Variants in IL10RB observed in about 807,000 individuals in gnomAD.
The protein encoded by IL10RB is interleukin 10 receptor subunit beta, also known as interleukin-10 receptor subunit beta.
In IL10RB, 30 loss-of-function variants were observed where a neutral mutation model predicts 38.7. The ratio of observed to expected loss-of-function variants is 0.78; its 90% CI spans 0.58 to 1.05. IL10RB has a LOEUF of 1.05. Ranked by LOEUF, IL10RB falls within the 50% of genes least tolerant of loss-of-function variation. The probability of loss-of-function intolerance (pLI) is 0.00; values close to 1 mark genes in which losing one functional copy is unlikely to be tolerated. For synonymous variants in IL10RB, 142 were observed against 145.9 expected (o/e 0.97, Z 0.19); for missense variants, 328 against 397.1 (o/e 0.83, Z 1.48).
At chr21:33,295,067 A>T (rs1021558901) in intron 6 of IL10RB, among the ~76,000 whole-genome samples, 4 of 152,232 alleles carry the variant, frequency 2.6e-5, no homozygotes, top group Non-Finnish European at 5.9e-5. Context: ...CCACATTTTT[A>T]AAAAGTCCAA....
intron 2 of IL10RB, among the ~76,000 whole-genome samples, chr21:33,272,606 C>A (rs538404820): frequency 6.6e-6 from 1 of 152,264 alleles, no homozygotes; most frequent in African/African-American, 2.4e-5. Context: ...GCCACCATAC[C>A]CAAATAATTT....
At chr21:33,308,102 C>T (rs2083003144) in intron 1 of IL10RB, 1 of 152,216 alleles carries the variant, frequency 6.6e-6, no homozygotes, top group Non-Finnish European at 1.5e-5. Context: ...TCCAGGATTT[C>T]CCATCTTTCA....
At chr21:33,275,111 CTTAAACCTTAT>C (rs1989145397) in intron 2 of IL10RB, among the ~76,000 whole-genome samples, 1 of 150,298 alleles carries the variant, frequency 6.7e-6, no homozygotes, top group South Asian at 2.1e-4. Flanking sequence ...GGCTTCTGTC[CTTAAACCTTAT>C]GAACCAACCT....
chr21:33,266,502 C>G lies in IL10RB; in HGVS notation c.37C>G (p.Leu13Val). The change falls in exon 1 of 7, where the codon CTG (leucine) becomes GTG (valine). Residue 13 changes from leucine (L) to valine (V), a missense_variant. Transcript: ENST00000290200. ...CCTTGGGAGCTGGCTGGGTGGCTGCCTGCTGGTGTCAGGTGAGGGGTCCGC... is the reference window on the plus strand; with the variant it reads ...CCTTGGGAGCTGGCTGGGTGGCTGCGTGCTGGTGTCAGGTGAGGGGTCCGC... ...WSLGSWLGGC[L>V]LVSALGMVPP... 6.5e-7 allele frequency: 1 copy of G among 1,543,118 alleles called. No homozygotes were observed. Among genetic ancestry groups the G allele is most frequent in the Non-Finnish European group, 8.7e-7 (1 of 1,147,442 alleles).
In IL10RB at chr21:33,296,325, G is replaced by A. The variant is rs370841672; in HGVS notation, c.946G>A (p.Gly316Arg). 31 of 1,613,756 alleles carry A rather than the reference G, an allele frequency of 1.9e-5. No individual in the cohort carries two copies. In the Admixed American group the frequency reaches 2.0e-4, roughly 10 times the overall value. ...GAATCCTGGTGACAGCTGCAGCCTCGGGACCCCGCCTGGGCAGGGGCCCCA... is the reference window on the plus strand; with the variant it reads ...GAATCCTGGTGACAGCTGCAGCCTCAGGACCCCGCCTGGGCAGGGGCCCCA... ...KQNPGDSCSL[G>R]TPPGQGPQS The change falls in exon 7 of 7, where the codon GGG becomes AGG. Residue 316 changes from glycine to arginine, a missense_variant. By Grantham distance (125) the Gly-to-Arg change is moderately radical (BLOSUM62 -2). Coordinates refer to ENST00000290200, the MANE Select transcript of IL10RB (RefSeq NM_000628.5).
downstream of IL10RB, among the ~76,000 whole-genome samples, chr21:33,301,386 G>A (rs536330389): frequency 1.3e-5 from 2 of 152,126 alleles, no homozygotes; most frequent in Non-Finnish European, 2.9e-5. Context: ...CTGACTATTG[G>A]GCTGGCACTT....
intron 1 of IL10RB, among the ~76,000 whole-genome samples, chr21:33,304,665 A>G (rs2082994715): frequency 6.6e-6 from 1 of 152,184 alleles, no homozygotes; most frequent in East Asian, 1.9e-4. Flanking sequence ...CCAGCTCCCA[A>G]GTATACACAG....
chr21:33,288,388 CACACACACACACACACAG>C, intron 6 of IL10RB, 127 bp downstream of exon 6: 3 of 703,334 alleles, frequency 4.3e-6, no homozygotes, highest in Non-Finnish European at 5.1e-6. Flanking sequence ...CGCGCACACA[CACACACACACACACACAG>C]ACACGCCTCT....
At chr21:33,280,013 A>G in intron 4 of IL10RB, 95 bp downstream of exon 4, 1 of 1,098,720 alleles carries the variant, frequency 9.1e-7, no homozygotes, top group South Asian at 1.2e-5. Flanking sequence ...GGTCCTCTGT[A>G]AGCCAAGAGC....
chr21:33,287,558 G>T lies in IL10RB; in HGVS notation c.647-546G>T, dbSNP rs555060950. ...AAAATTTTTTTTGTTGTAGAGAAGG[G>T]GTCTCACTATGTTGCCCAGACTGGT... is the stretch of plus-strand genomic sequence containing the variant. On this transcript the variant is annotated intron_variant, in intron 5 of 6. Transcript: ENST00000290200. 6.6e-5 allele frequency among the ~76,000 whole-genome samples: 10 copies of T among 152,038 alleles called. 1 individual carries two copies. The Middle Eastern group carries it at 0.01, about 155-fold the overall frequency.
At chr21:33,268,590 C>A in intron 2 of IL10RB, 73 bp downstream of exon 2, 1 of 1,066,166 alleles carries the variant, frequency 9.4e-7, no homozygotes, top group Non-Finnish European at 1.5e-6. Context: ...GGTTGGGCCA[C>A]AGGAGGAAGG....
At chr21:33,299,764 A>G (rs1347767482), downstream of IL10RB, among the ~76,000 whole-genome samples, 2 of 152,252 alleles carry the variant, frequency 1.3e-5, no homozygotes, top group Non-Finnish European at 2.9e-5. Context: ...TAAAGCTCCT[A>G]GGTGATTCCA....
Position 33,288,212 on chromosome 21 carries a change from C to T in IL10RB, c.755C>T (p.Thr252Ile), listed in dbSNP as rs748240803. 2 of 1,614,104 alleles carry T rather than the reference C, an allele frequency of 1.2e-6. No individual in the cohort carries two copies. The highest frequency in any genetic ancestry group is 1.7e-6 in the Non-Finnish European group (2 of 1,179,976). ...FALLWCVYKK[T>I]KYAFSPRNSL... ...TTGCTGTGGTGCGTTTACAAGAAGA[C>T]AAAGTACGCCTTCTCCCCTAGGAAT... The change falls in exon 6 of 7, where the codon ACA (threonine) becomes ATA (isoleucine). Residue 252 changes from threonine (T) to isoleucine (I), a missense_variant. Physicochemically the swap from Thr to Ile is moderately conservative, Grantham distance 89. Transcript: ENST00000290200.
At chr21:33,274,468 C>T (rs2849995) in intron 2 of IL10RB, among the ~76,000 whole-genome samples, 2 of 152,158 alleles carry the variant, frequency 1.3e-5, no homozygotes, top group African/African-American at 4.8e-5. Flanking sequence ...GCCACTGTGC[C>T]CAGCTTCAAA....
At chr21:33,273,305 G>C (rs1198158074) in intron 2 of IL10RB, among the ~76,000 whole-genome samples, 1 of 152,178 alleles carries the variant, frequency 6.6e-6, no homozygotes, top group Non-Finnish European at 1.5e-5. Context: ...AACCACAATA[G>C]AGTGAGTCAC....
chr21:33,284,220 C>T (rs1989331804), intron 5 of IL10RB, among the ~76,000 whole-genome samples: 1 of 150,812 alleles, frequency 6.6e-6, no homozygotes, highest in Non-Finnish European at 1.5e-5. Flanking sequence ...CGTTTGAACC[C>T]AGGAGGCAGA....
intron 2 of IL10RB, among the ~76,000 whole-genome samples, chr21:33,276,329 A>G (rs1989169589): frequency 6.6e-6 from 1 of 152,222 alleles, no homozygotes; most frequent in African/African-American, 2.4e-5. Context: ...TCAATGTCTC[A>G]TAAATCACAT....
chr21:33,268,503 A>G lies in IL10RB; in HGVS notation c.159A>G (p.Thr53=), dbSNP rs1198969673. Residue 53 remains threonine, a synonymous_variant, in exon 2 of 7, where the codon ACA becomes ACG. Transcript: ENST00000290200. ...TTGCCAAAGGGAACCTGACTTTCAC[A>G]GCTCAGTACCTAAGGTGGGTCTGGC... The part of the protein sequence containing the change: ...PAFAKGNLTF[T]AQYLSYRIFQ... 1.2e-6 allele frequency: 2 copies of G among 1,612,604 alleles called. No individual in the cohort carries two copies. Among genetic ancestry groups the G allele is most frequent in the Non-Finnish European group, 1.7e-6 (2 of 1,178,566 alleles).
At chr21:33,301,801 G>A (rs570687095), downstream of IL10RB, among the ~76,000 whole-genome samples, 122 of 152,318 alleles carry the variant, frequency 8.0e-4, no homozygotes, top group Non-Finnish European at 1.5e-3. Context: ...GCACAGAGAG[G>A]TTCAATCACT....
Sources: gnomAD v4.1 joint callset for allele counts (sites outside exome capture counted in the v4.1 genomes callset) on GRCh38, gnomAD v4.1.1 for gene constraint, MANE v1.5 for transcripts, NCBI Gene and HGNC (gene_info 2026-07-23, HGNC 2026-07-21) for gene names.